Variants in SAMD5 observed in about 807,000 individuals in gnomAD.
The protein encoded by SAMD5 is sterile alpha motif domain containing 5.
A neutral mutation model predicts 11.3 loss-of-function variants in SAMD5; 13 were observed. That is an observed-to-expected ratio of 1.15 (90% CI 0.75 to 1.83). The LOEUF is 1.83. Among genes scored for constraint, SAMD5 ranks in the 40% most tolerant of loss-of-function variants. The pLI is 0.00. For missense variants in SAMD5, 255 were observed against 239.1 expected (o/e 1.07, Z -0.44); for synonymous variants, 129 against 111.3 (o/e 1.16, Z -1.00).
At chr6:147,947,897 A>G in the SAMD5 span, among the ~76,000 whole-genome samples, 5 of 152,130 alleles carry the variant, frequency 3.3e-5, no homozygotes, top group African/African-American at 1.2e-4. Flanking sequence ...AGATAGAGGC[A>G]TTTTGCTGAA....
chr6:147,937,704 A>G, the SAMD5 span, among the ~76,000 whole-genome samples: 1 of 152,220 alleles, frequency 6.6e-6, no homozygotes, highest in Non-Finnish European at 1.5e-5. Context: ...CTTAATAACC[A>G]GAGGGTTAAA....
chr6:147,952,410 G>A, the SAMD5 span, among the ~76,000 whole-genome samples: 2 of 152,186 alleles, frequency 1.3e-5, no homozygotes, highest in Admixed American at 1.3e-4. Context: ...TATCAATGGA[G>A]ATGAATGAAT....
the SAMD5 span, among the ~76,000 whole-genome samples, chr6:147,787,686 C>CA: frequency 5.3e-5 from 8 of 152,126 alleles, no homozygotes; most frequent in East Asian, 1.5e-3. Flanking sequence ...TGTTATGAGA[C>CA]AAATATATGA....
At chr6:147,947,932 G>C in the SAMD5 span, among the ~76,000 whole-genome samples, 1 of 151,680 alleles carries the variant, frequency 6.6e-6, no homozygotes, top group Non-Finnish European at 1.5e-5. Flanking sequence ...CGTATACTGT[G>C]TTACTCCAGT....
intron 1 of SAMD5, among the ~76,000 whole-genome samples, chr6:147,736,723 G>C (rs1322105622): frequency 6.6e-6 from 1 of 152,030 alleles, no homozygotes; most frequent in Non-Finnish European, 1.5e-5. Flanking sequence ...GAAAACCTAG[G>C]TATATTATAT....
At chr6:147,620,987 TGTGC>T (rs1233163210) in intron 1 of SAMD5, among the ~76,000 whole-genome samples, 28 of 86,482 alleles carry the variant, frequency 3.2e-4, no homozygotes, top group African/African-American at 6.0e-4. Context: ...TGTGTGTGTG[TGTGC>T]GCGCGCGCAC....
the SAMD5 span, among the ~76,000 whole-genome samples, chr6:147,753,053 G>A: frequency 6.6e-6 from 1 of 152,178 alleles, no homozygotes; most frequent in Non-Finnish European, 1.5e-5. Flanking sequence ...TGTTTCATAT[G>A]ATTTTACAAG....
At chr6:147,520,423 T>C (rs573892271) in intron 1 of SAMD5, among the ~76,000 whole-genome samples, 3 of 152,312 alleles carry the variant, frequency 2.0e-5, no homozygotes, top group African/African-American at 7.2e-5. Context: ...GAGAACTTTA[T>C]AGATTTTAAG....
At chr6:147,704,027 C>G (rs1791292936) in intron 1 of SAMD5, among the ~76,000 whole-genome samples, 1 of 152,148 alleles carries the variant, frequency 6.6e-6, no homozygotes. Flanking sequence ...TCCTGAGTAG[C>G]TGGGACTACA....
chr6:147,945,582 A>G, the SAMD5 span, among the ~76,000 whole-genome samples: 1 of 152,172 alleles, frequency 6.6e-6, no homozygotes, highest in South Asian at 2.1e-4. Flanking sequence ...TCAGAAAAGT[A>G]GAAAAACTTC....
the SAMD5 span, among the ~76,000 whole-genome samples, chr6:147,826,812 A>T: frequency 6.6e-6 from 1 of 152,220 alleles, no homozygotes; most frequent in East Asian, 1.9e-4. Flanking sequence ...ATCCACTGTT[A>T]TATGTATCCT....
At chr6:147,953,740 A>C in the SAMD5 span, 2 of 152,306 alleles carry the variant, frequency 1.3e-5, no homozygotes, top group Admixed American at 6.5e-5. Flanking sequence ...TAATGTGTAA[A>C]AGTTTTCAAA....
At chr6:147,892,895 A>G in the SAMD5 span, among the ~76,000 whole-genome samples, 1 of 152,196 alleles carries the variant, frequency 6.6e-6, no homozygotes, top group African/African-American at 2.4e-5. Context: ...CACTTTTTGA[A>G]TAATAAAAAC....
At chr6:147,772,973 G>A in the SAMD5 span, among the ~76,000 whole-genome samples, 3 of 152,254 alleles carry the variant, frequency 2.0e-5, no homozygotes, top group South Asian at 6.2e-4. Flanking sequence ...ACTGAGGGTG[G>A]AACGACACTC....
intron 1 of SAMD5, among the ~76,000 whole-genome samples, chr6:147,650,486 G>A (rs1324781507): frequency 3.3e-5 from 5 of 152,332 alleles, no homozygotes; most frequent in South Asian, 4.1e-4. Flanking sequence ...AGCTGAAGAC[G>A]AGGCTGAACA....
At chr6:147,755,529 CA>C in the SAMD5 span, among the ~76,000 whole-genome samples, 17 of 152,124 alleles carry the variant, frequency 1.1e-4, no homozygotes, top group East Asian at 3.1e-3. Flanking sequence ...ATTTTCTGTA[CA>C]GATATGAAAG....
At chr6:147,803,342 T>G in the SAMD5 span, among the ~76,000 whole-genome samples, 1 of 152,188 alleles carries the variant, frequency 6.6e-6, no homozygotes, top group African/African-American at 2.4e-5. Flanking sequence ...CAATTCACTC[T>G]CTCGCCTCTG....
chr6:147,715,155 A>G (rs568707177), intron 1 of SAMD5, among the ~76,000 whole-genome samples: 12 of 151,956 alleles, frequency 7.9e-5, no homozygotes, highest in African/African-American at 2.2e-4. Context: ...CCTTTGCCCA[A>G]GTTTTTACTC....
intron 1 of SAMD5, among the ~76,000 whole-genome samples, chr6:147,685,300 G>A (rs949580849): frequency 1.3e-5 from 2 of 152,090 alleles, no homozygotes; most frequent in Non-Finnish European, 1.5e-5. Context: ...AGGTTCAAGC[G>A]ATTCTCTTGA....
Sources: gnomAD v4.1 joint callset for allele counts (sites outside exome capture counted in the v4.1 genomes callset) on GRCh38, gnomAD v4.1.1 for gene constraint, MANE v1.5 for transcripts, NCBI Gene and HGNC (gene_info 2026-07-23, HGNC 2026-07-21) for gene names.